NSMCE2: variants seen among roughly 807,000 people sequenced by gnomAD.
NSMCE2 encodes the protein E3 SUMO-protein ligase NSE2.
A neutral mutation model predicts 23.8 loss-of-function variants in NSMCE2; 24 were observed. That is an observed-to-expected ratio of 1.01 (90% CI 0.73 to 1.42). The LOEUF (loss-of-function observed/expected upper bound fraction) is 1.42, where lower values mean the gene tolerates loss of function less well. Among genes scored for constraint, NSMCE2 ranks in the 40% most tolerant of loss-of-function variants. NSMCE2 has a pLI of 0.00. For synonymous variants in NSMCE2, 92 were observed against 94.1 expected, an observed-to-expected ratio of 0.98 and a Z score of 0.13; for missense variants, 284 against 296.5, an observed-to-expected ratio of 0.96 and a Z score of 0.31.
intron 5 of NSMCE2, among the ~76,000 whole-genome samples, chr8:125,314,330 C>A (rs1350702917): frequency 6.6e-6 from 1 of 152,074 alleles, no homozygotes; most frequent in Non-Finnish European, 1.5e-5. Context: ...TCTTGTCGCA[C>A]CCAGGCTGGA....
chr8:125,212,900 A>G (rs1035016918), intron 5 of NSMCE2, among the ~76,000 whole-genome samples: 3 of 152,130 alleles, frequency 2.0e-5, no homozygotes, highest in Non-Finnish European at 4.4e-5. Context: ...CTGCTAATTC[A>G]AATATTTGGG....
intron 5 of NSMCE2, among the ~76,000 whole-genome samples, chr8:125,319,449 A>T (rs540532191): frequency 6.6e-6 from 1 of 152,300 alleles, no homozygotes; most frequent in South Asian, 2.1e-4. Flanking sequence ...TAAAACAATT[A>T]TTGTGATTGC....
At chr8:125,301,162 A>G (rs1828546744) in intron 5 of NSMCE2, among the ~76,000 whole-genome samples, 1 of 152,224 alleles carries the variant, frequency 6.6e-6, no homozygotes, top group African/African-American at 2.4e-5. Flanking sequence ...TAACTTGAGC[A>G]GGATTGGCTG....
intron 5 of NSMCE2, among the ~76,000 whole-genome samples, chr8:125,321,905 ATC>A (rs1482992526): frequency 1.3e-4 from 20 of 152,198 alleles, no homozygotes; most frequent in Non-Finnish European, 2.5e-4. Context: ...GTGTAGTGGT[ATC>A]TCATTATGAT....
intron 5 of NSMCE2, among the ~76,000 whole-genome samples, chr8:125,305,466 G>T (rs374877416): frequency 1.3e-5 from 2 of 152,164 alleles, no homozygotes; most frequent in African/African-American, 4.8e-5. Context: ...CTGAAGAGAA[G>T]TCTTAGTTCT....
At chr8:125,257,794 A>G (rs960175282) in intron 5 of NSMCE2, among the ~76,000 whole-genome samples, 1 of 152,058 alleles carries the variant, frequency 6.6e-6, no homozygotes, top group Non-Finnish European at 1.5e-5. Context: ...TCGGCCTCCC[A>G]AAGTCCTGGG....
At chr8:125,259,705 C>A (rs571269786) in intron 5 of NSMCE2, among the ~76,000 whole-genome samples, 59 of 152,270 alleles carry the variant, frequency 3.9e-4, no homozygotes, top group African/African-American at 1.4e-3. Flanking sequence ...CAGTAGTAAT[C>A]ATAATATAAA....
chr8:125,235,347 A>G (rs1406438166), intron 5 of NSMCE2, among the ~76,000 whole-genome samples: 2 of 151,856 alleles, frequency 1.3e-5, no homozygotes, highest in Non-Finnish European at 2.9e-5. Flanking sequence ...GCCCTTGAGC[A>G]TATATTTCTT....
At chr8:125,213,520 C>T (rs1485034102) in intron 5 of NSMCE2, among the ~76,000 whole-genome samples, 2 of 139,952 alleles carry the variant, frequency 1.4e-5, no homozygotes, top group Admixed American at 7.2e-5. Flanking sequence ...CTCTCCTCTC[C>T]TCTCCTCTCC....
At chr8:125,341,296 G>A (rs1347200695) in intron 5 of NSMCE2, among the ~76,000 whole-genome samples, 2 of 152,146 alleles carry the variant, frequency 1.3e-5, no homozygotes, top group African/African-American at 4.8e-5. Context: ...TCTTCATTAT[G>A]GGGTGAGGAA....
intron 7 of NSMCE2, among the ~76,000 whole-genome samples, chr8:125,363,589 G>A (rs1175770241): frequency 1.1e-4 from 14 of 122,392 alleles, no homozygotes; most frequent in African/African-American, 3.9e-4. Flanking sequence ...GGGAGGGAGG[G>A]AAGGAAGGAG....
intron 5 of NSMCE2, among the ~76,000 whole-genome samples, chr8:125,292,988 AT>A (rs764674452): frequency 5.9e-5 from 9 of 152,192 alleles, no homozygotes; most frequent in Non-Finnish European, 1.0e-4. Context: ...AAAGAGTCTA[AT>A]TCCATAATTT....
chr8:125,122,934 T>C (rs2130509235), intron 3 of NSMCE2, among the ~76,000 whole-genome samples: 1 of 152,296 alleles, frequency 6.6e-6, no homozygotes, highest in Admixed American at 6.5e-5. Flanking sequence ...ATAAACAATA[T>C]GTAAACAAAT....
intron 5 of NSMCE2, among the ~76,000 whole-genome samples, chr8:125,241,617 T>A (rs970630791): frequency 6.6e-6 from 1 of 152,230 alleles, no homozygotes; most frequent in Non-Finnish European, 1.5e-5. Context: ...AGAATTGATC[T>A]GTAACTGAAA....
chr8:125,116,772 A>G (rs1203204727), intron 3 of NSMCE2, among the ~76,000 whole-genome samples: 1 of 151,946 alleles, frequency 6.6e-6, no homozygotes, highest in African/African-American at 2.4e-5. Flanking sequence ...TCTAAGTGAT[A>G]TGTTTGCAGT....
intron 3 of NSMCE2, among the ~76,000 whole-genome samples, chr8:125,117,471 G>C (rs1430815356): frequency 6.6e-6 from 1 of 152,108 alleles, no homozygotes; most frequent in Non-Finnish European, 1.5e-5. Context: ...TCGATATCTC[G>C]ATATCCTGAT....
At chr8:125,106,731 C>G (rs1172982288) in intron 3 of NSMCE2, among the ~76,000 whole-genome samples, 3 of 150,580 alleles carry the variant, frequency 2.0e-5, no homozygotes, top group Non-Finnish European at 4.4e-5. Flanking sequence ...TGCTGTGGCT[C>G]ACACTTGTAA....
intron 5 of NSMCE2, among the ~76,000 whole-genome samples, chr8:125,241,995 C>A (rs970656367): frequency 2.0e-5 from 3 of 152,082 alleles, no homozygotes; most frequent in African/African-American, 7.2e-5. Flanking sequence ...GACCAAAGAT[C>A]CCTAGATGTG....
chr8:125,201,050 A>T (rs979753081), intron 5 of NSMCE2, among the ~76,000 whole-genome samples: 3 of 151,888 alleles, frequency 2.0e-5, no homozygotes, highest in African/African-American at 7.3e-5. Flanking sequence ...TATACTGTTT[A>T]TTCTAGTTAG....
Sources: gnomAD v4.1 joint callset for allele counts (sites outside exome capture counted in the v4.1 genomes callset) on GRCh38, gnomAD v4.1.1 for gene constraint, MANE v1.5 for transcripts, NCBI Gene and HGNC (gene_info 2026-07-23, HGNC 2026-07-21) for gene names.